Variants in PTPRK observed in about 807,000 individuals in gnomAD.
PTPRK encodes the protein protein tyrosine phosphatase receptor type K.
PTPRK carries 75 observed loss-of-function variants against 178.0 expected under a neutral mutation model. The observed-to-expected ratio is 0.42, with a 90% confidence interval of 0.35 to 0.51. The LOEUF is 0.51. Ranked by LOEUF, PTPRK falls within the 20% of genes least tolerant of loss-of-function variation. The pLI, the probability that PTPRK is intolerant of heterozygous loss-of-function variation, is 0.02. For synonymous variants in PTPRK, 637 were observed against 620.6 expected (o/e 1.03, Z -0.39); for missense variants, 1,441 against 1,797.8 (o/e 0.80, Z 3.59).
At chr6:128,280,226 G>T (rs532966546) in intron 3 of PTPRK, among the ~76,000 whole-genome samples, 2 of 152,098 alleles carry the variant, frequency 1.3e-5, no homozygotes, top group African/African-American at 4.8e-5. Context: ...TGGTAACCAG[G>T]TATCCTACGC....
At chr6:128,436,180 C>T (rs1350482541) in intron 1 of PTPRK, among the ~76,000 whole-genome samples, 1 of 151,718 alleles carries the variant, frequency 6.6e-6, no homozygotes, top group East Asian at 1.9e-4. Context: ...CAAGATAGTC[C>T]CCAAAAGACT....
intron 3 of PTPRK, among the ~76,000 whole-genome samples, chr6:128,282,354 A>T (rs200124038): frequency 6.6e-6 from 1 of 152,224 alleles, no homozygotes; most frequent in Non-Finnish European, 1.5e-5. Flanking sequence ...GATGAGTCAC[A>T]CACAAGCCAG....
At chr6:128,029,829 TAAAA>T (rs957300027) in intron 13 of PTPRK, among the ~76,000 whole-genome samples, 1 of 151,992 alleles carries the variant, frequency 6.6e-6, no homozygotes, top group Non-Finnish European at 1.5e-5. Flanking sequence ...GGATGAAAGA[TAAAA>T]GAAGAAAGAA....
chr6:128,146,927 T>A (rs1354679857), intron 7 of PTPRK, among the ~76,000 whole-genome samples: 1 of 152,156 alleles, frequency 6.6e-6, no homozygotes, highest in Non-Finnish European at 1.5e-5. Context: ...TATCATATAA[T>A]TGCTTCACTT....
intron 3 of PTPRK, among the ~76,000 whole-genome samples, chr6:128,246,439 TA>T (rs78830574): frequency 0.011 from 1,627 of 144,166 alleles, 5 homozygotes; most frequent in Non-Finnish European, 0.013. Context: ...GTTCTTTATT[TA>T]AAAAAAAAAA....
At chr6:128,009,748 A>G (rs1243348541) in intron 13 of PTPRK, among the ~76,000 whole-genome samples, 1 of 151,192 alleles carries the variant, frequency 6.6e-6, no homozygotes, top group African/African-American at 2.4e-5. Context: ...TAACTGTTAG[A>G]AGCATGTGTT....
intron 13 of PTPRK, among the ~76,000 whole-genome samples, chr6:128,035,222 C>T (rs1776009089): frequency 6.6e-6 from 1 of 152,030 alleles, no homozygotes. Flanking sequence ...CAAAATTATC[C>T]AGGCGTTGTA....
intron 1 of PTPRK, among the ~76,000 whole-genome samples, chr6:128,411,545 T>C (rs1842310375): frequency 6.6e-6 from 1 of 152,210 alleles, no homozygotes; most frequent in South Asian, 2.1e-4. Context: ...CAGATATAAG[T>C]AGCAGCAAAT....
At chr6:128,513,383 T>C (rs1857448988) in intron 1 of PTPRK, among the ~76,000 whole-genome samples, 2 of 150,814 alleles carry the variant, frequency 1.3e-5, no homozygotes, top group Non-Finnish European at 2.9e-5. Context: ...CTTGGAAGCC[T>C]GAAGCAGGAG....
At chr6:128,093,496 G>A (rs937814183) in intron 7 of PTPRK, among the ~76,000 whole-genome samples, 2 of 150,488 alleles carry the variant, frequency 1.3e-5, no homozygotes, top group African/African-American at 4.9e-5. Context: ...TGGGGAGGCT[G>A]GGGCAGAAGA....
intron 2 of PTPRK, among the ~76,000 whole-genome samples, chr6:128,332,753 G>C (rs1165760513): frequency 6.6e-6 from 1 of 151,964 alleles, no homozygotes; most frequent in Non-Finnish European, 1.5e-5. Context: ...AGTGAGTCAG[G>C]CCTCTTTCTC....
chr6:128,322,300 C>G lies in PTPRK; in HGVS notation c.234G>C (p.Met78Ile). 1.9e-6 allele frequency: 3 copies of G among 1,575,942 alleles called. No homozygotes were observed. Among genetic ancestry groups the G allele is most frequent in the Non-Finnish European group, 2.6e-6 (3 of 1,146,394 alleles). The change falls in exon 3 of 30, where the codon ATG (methionine) becomes ATC (isoleucine). Residue 78 changes from methionine (M) to isoleucine (I), a missense_variant. This residue lies in a region of PTPRK where 158 missense variants were observed against 188.0 expected (regional missense o/e 0.84). Transcript: ENST00000368226. ...LPPEMPQGSY[M>I]IVDSSDHDPG... ...GGTCGTGATCTGAAGAGTCCACTATCATATAGGAACCTGAAATGACATTAC... is the reference window on the plus strand; with the variant it reads ...GGTCGTGATCTGAAGAGTCCACTATGATATAGGAACCTGAAATGACATTAC...
At chr6:128,338,428 T>C (rs972562988) in intron 2 of PTPRK, among the ~76,000 whole-genome samples, 2 of 152,246 alleles carry the variant, frequency 1.3e-5, no homozygotes, top group African/African-American at 4.8e-5. Context: ...CCCTGAGCCA[T>C]GGTACACTGG....
intron 13 of PTPRK, among the ~76,000 whole-genome samples, chr6:128,031,907 C>A (rs1489451637): frequency 6.6e-6 from 1 of 152,168 alleles, no homozygotes; most frequent in Non-Finnish European, 1.5e-5. Flanking sequence ...AATCTCATGT[C>A]CTGTCTTTCC....
At chr6:128,516,703 C>G (rs192730183) in intron 1 of PTPRK, among the ~76,000 whole-genome samples, 1 of 152,104 alleles carries the variant, frequency 6.6e-6, no homozygotes, top group Admixed American at 6.5e-5. Context: ...AGCAGGATCT[C>G]GAGCTGTATT....
At chr6:128,149,429 C>T (rs1583226169) in intron 7 of PTPRK, among the ~76,000 whole-genome samples, 1 of 152,024 alleles carries the variant, frequency 6.6e-6, no homozygotes, top group East Asian at 1.9e-4. Context: ...ATTTGTCTGA[C>T]TTAAAAATAT....
intron 1 of PTPRK, among the ~76,000 whole-genome samples, chr6:128,413,766 T>C (rs2128381028): frequency 6.6e-6 from 1 of 152,310 alleles, no homozygotes; most frequent in South Asian, 2.1e-4. Flanking sequence ...TCCACGGGTG[T>C]ATAAATGTGA....
At chr6:128,014,651 A>G (rs1218915516) in intron 13 of PTPRK, among the ~76,000 whole-genome samples, 1 of 151,582 alleles carries the variant, frequency 6.6e-6, no homozygotes, top group African/African-American at 2.4e-5. Context: ...AATAGGAAAA[A>G]TGAAATTACT....
At chr6:128,038,159 T>G (rs1479190226) in intron 13 of PTPRK, among the ~76,000 whole-genome samples, 1 of 152,194 alleles carries the variant, frequency 6.6e-6, no homozygotes, top group Non-Finnish European at 1.5e-5. Context: ...TAACTTTTTT[T>G]TCTAACTTGG....
Sources: gnomAD v4.1 joint callset for allele counts (sites outside exome capture counted in the v4.1 genomes callset) on GRCh38, gnomAD v4.1.1 for gene constraint, gnomAD v4.1.1 regional missense constraint, MANE v1.5 for transcripts, NCBI Gene and HGNC (gene_info 2026-07-23, HGNC 2026-07-21) for gene names.